The following ROBO1 variants were observed in gnomAD, a reference collection of about 807,000 sequenced individuals.
The protein encoded by ROBO1 is roundabout guidance receptor 1.
In ROBO1, 149 loss-of-function variants were observed where a neutral mutation model predicts 195.9. The observed-to-expected ratio is 0.76, with a 90% CI of 0.67 to 0.87. The LOEUF is 0.87. ROBO1 is among the 40% of genes least tolerant of loss of function. The probability of loss-of-function intolerance (pLI) is 0.00; values close to 1 mark genes in which losing one functional copy is unlikely to be tolerated. For synonymous variants in ROBO1, 816 were observed against 733.2 expected (o/e 1.11, Z -1.82); for missense variants, 1,933 against 2,068.3 (o/e 0.93, Z 1.27).
intron 3 of ROBO1, among the ~76,000 whole-genome samples, chr3:79,091,856 A>G (rs948286528): frequency 6.6e-6 from 1 of 152,108 alleles, no homozygotes; most frequent in African/African-American, 2.4e-5. Flanking sequence ...AAGAAAACCA[A>G]GGGTAAAAAT....
chr3:79,662,104 G>A (rs1946346766), intron 1 of ROBO1, among the ~76,000 whole-genome samples: 1 of 151,964 alleles, frequency 6.6e-6, no homozygotes, highest in Non-Finnish European at 1.5e-5. Context: ...AAATTACTGT[G>A]AAATAACCGT....
intron 1 of ROBO1, among the ~76,000 whole-genome samples, chr3:79,738,902 T>A (rs1182017187): frequency 1.3e-5 from 2 of 152,282 alleles, no homozygotes; most frequent in Non-Finnish European, 2.9e-5. Flanking sequence ...TCCAATGTGA[T>A]ACATATTATA....
intron 2 of ROBO1, among the ~76,000 whole-genome samples, chr3:79,515,537 T>C (rs1449724397): frequency 5.9e-5 from 9 of 152,188 alleles, no homozygotes; most frequent in Non-Finnish European, 1.2e-4. Flanking sequence ...GTATCCTTAG[T>C]GTCTTATTTT....
intron 2 of ROBO1, among the ~76,000 whole-genome samples, chr3:79,324,375 T>C (rs962646474): frequency 1.3e-5 from 2 of 152,124 alleles, no homozygotes; most frequent in South Asian, 4.1e-4. Flanking sequence ...TCTTACAAGG[T>C]TGATGTACAG....
intron 2 of ROBO1, among the ~76,000 whole-genome samples, chr3:79,461,783 C>T (rs1293012051): frequency 6.6e-6 from 1 of 152,104 alleles, no homozygotes; most frequent in Non-Finnish European, 1.5e-5. Flanking sequence ...AATACTGGCA[C>T]TTCTCTATCA....
intron 20 of ROBO1, among the ~76,000 whole-genome samples, 179 bp downstream of exon 20, chr3:78,647,450 A>T (rs1706372479): frequency 6.6e-6 from 1 of 152,066 alleles, no homozygotes; most frequent in Non-Finnish European, 1.5e-5. Flanking sequence ...ATGGATGAAA[A>T]GCAACACCAA....
chr3:79,677,393 G>A (rs7431729), intron 1 of ROBO1, among the ~76,000 whole-genome samples: 42,370 of 151,690 alleles, frequency 0.28, 6,758 homozygotes, highest in African/African-American at 0.45. Flanking sequence ...GGCTGGGGAA[G>A]CCTCACAATC....
Position 79,611,040 on chromosome 3 carries a change from T to C in ROBO1, c.-50-21079A>G, listed in dbSNP as rs180882004. On this transcript the variant is annotated intron_variant, in intron 1 of 30. Coordinates refer to ENST00000464233, the MANE Select transcript of ROBO1 (RefSeq NM_002941.4). ...TGATCAAATATGAATGGATGTACCA[T>C]TTTGTAATAAACTCATACTCCCTAC... is the stretch of plus-strand genomic sequence containing the variant. 3.5e-3 allele frequency among the ~76,000 whole-genome samples: 527 copies of C among 152,142 alleles called. 6 individuals carry two copies. Among genetic ancestry groups the C allele is most frequent in the African/African-American group, 0.012 (508 of 41,544 alleles).
intron 2 of ROBO1, among the ~76,000 whole-genome samples, chr3:79,267,194 G>C (rs79105941): frequency 0.025 from 3,749 of 151,426 alleles, 80 homozygotes; most frequent in Middle Eastern, 0.037. Context: ...AACTTCCATA[G>C]GACTCTGCTG....
intron 2 of ROBO1, among the ~76,000 whole-genome samples, chr3:79,365,018 C>T (rs1311331161): frequency 3.3e-5 from 5 of 152,176 alleles, no homozygotes; most frequent in Admixed American, 2.0e-4. Flanking sequence ...CATGTTTAAT[C>T]ATTCCTCACT....
intron 10 of ROBO1, among the ~76,000 whole-genome samples, chr3:78,670,771 C>G (rs1030247514): frequency 6.6e-6 from 1 of 152,114 alleles, no homozygotes; most frequent in Non-Finnish European, 1.5e-5. Context: ...AGGTACCATA[C>G]CAGCATGTTT....
At chr3:79,656,458 A>T (rs2106789766) in intron 1 of ROBO1, among the ~76,000 whole-genome samples, 1 of 152,208 alleles carries the variant, frequency 6.6e-6, no homozygotes, top group East Asian at 1.9e-4. Context: ...CAGGAAATGC[A>T]AATTCCTAAA....
chr3:79,732,124 T>G (rs981255711), intron 1 of ROBO1, among the ~76,000 whole-genome samples: 1 of 151,896 alleles, frequency 6.6e-6, no homozygotes, highest in Non-Finnish European at 1.5e-5. Flanking sequence ...ATATTAAATA[T>G]TATAAATAAT....
At chr3:79,687,527 GA>G (rs1418840828) in intron 1 of ROBO1, among the ~76,000 whole-genome samples, 2 of 151,800 alleles carry the variant, frequency 1.3e-5, no homozygotes, top group African/African-American at 4.8e-5. Context: ...AAATTTACAA[GA>G]AAAAAGCAAC....
chr3:79,322,238 A>C (rs1358982019), intron 2 of ROBO1, among the ~76,000 whole-genome samples: 1 of 152,214 alleles, frequency 6.6e-6, no homozygotes, highest in Non-Finnish European at 1.5e-5. Context: ...GTATATACAC[A>C]GTCTTCTTTC....
chr3:79,319,076 A>G (rs1426269847), intron 2 of ROBO1, among the ~76,000 whole-genome samples: 1 of 152,174 alleles, frequency 6.6e-6, no homozygotes, highest in African/African-American at 2.4e-5. Flanking sequence ...TCTCCTGAAT[A>G]ATGTACATTG....
chr3:78,854,592 CTCTAT>C (rs1481671745), intron 4 of ROBO1, among the ~76,000 whole-genome samples: 1 of 151,654 alleles, frequency 6.6e-6, no homozygotes, highest in Non-Finnish European at 1.5e-5. Context: ...TTATTCATGT[CTCTAT>C]TCTATGATTT....
chr3:79,318,779 C>T (rs1436904657), intron 2 of ROBO1, among the ~76,000 whole-genome samples: 1 of 152,086 alleles, frequency 6.6e-6, no homozygotes, highest in African/African-American at 2.4e-5. Flanking sequence ...TATAAAGTCC[C>T]TTTTCTTAAA....
intron 1 of ROBO1, among the ~76,000 whole-genome samples, chr3:79,725,073 T>C (rs1345803559): frequency 1.3e-5 from 2 of 152,156 alleles, no homozygotes; most frequent in Admixed American, 6.5e-5. Context: ...ACACTCATTG[T>C]TGACTGTTTT....
Sources: gnomAD v4.1 joint callset for allele counts (sites outside exome capture counted in the v4.1 genomes callset) on GRCh38, gnomAD v4.1.1 for gene constraint, MANE v1.5 for transcripts, NCBI Gene and HGNC (gene_info 2026-07-23, HGNC 2026-07-21) for gene names.